The following EXOC4 variants were observed in gnomAD, a reference collection of about 807,000 sequenced individuals.
The protein encoded by EXOC4 is SEC8-like 1.
EXOC4 carries 71 observed loss-of-function variants against 107.2 expected under a neutral mutation model. The observed-to-expected ratio is 0.66, with a 90% CI of 0.55 to 0.81. The LOEUF (loss-of-function observed/expected upper bound fraction) is 0.81. EXOC4 is among the 30% of genes least tolerant of loss of function. The pLI, the probability that EXOC4 is intolerant of heterozygous loss-of-function variation, is 0.00. For missense variants in EXOC4, 1,108 were observed against 1,189.6 expected (o/e 0.93, Z 1.01); for synonymous variants, 456 against 441.2 (o/e 1.03, Z -0.42).
intron 11 of EXOC4, among the ~76,000 whole-genome samples, chr7:133,825,397 G>C (rs895082220): frequency 1.3e-5 from 2 of 151,990 alleles, no homozygotes; most frequent in African/African-American, 4.8e-5. Context: ...TAGGTATTCT[G>C]TTAAGGCAGT....
intron 11 of EXOC4, among the ~76,000 whole-genome samples, chr7:133,885,236 C>T (rs556794857): frequency 4.8e-4 from 73 of 151,970 alleles, no homozygotes; most frequent in Non-Finnish European, 8.8e-4. Context: ...ATCACTTGAA[C>T]CCGGGAGACG....
intron 9 of EXOC4, among the ~76,000 whole-genome samples, chr7:133,515,354 C>CACAT (rs59205193): frequency 2.0e-5 from 3 of 151,740 alleles, no homozygotes; most frequent in Admixed American, 1.3e-4. Context: ...CACACACACA[C>CACAT]GTATACATAT....
chr7:133,362,833 C>T (rs1257928507), intron 6 of EXOC4, among the ~76,000 whole-genome samples: 1 of 152,136 alleles, frequency 6.6e-6, no homozygotes, highest in Non-Finnish European at 1.5e-5. Context: ...TTTATCTCTT[C>T]TTTCTATATT....
chr7:133,871,956 T>G (rs1798759916), intron 11 of EXOC4, among the ~76,000 whole-genome samples: 3 of 152,214 alleles, frequency 2.0e-5, no homozygotes, highest in Admixed American at 2.0e-4. Flanking sequence ...AACACTTATA[T>G]TTGTCATCCA....
At chr7:134,073,357 C>T in the EXOC4 span, among the ~76,000 whole-genome samples, 2 of 151,482 alleles carry the variant, frequency 1.3e-5, no homozygotes, top group East Asian at 1.9e-4. Flanking sequence ...TGATCTTACA[C>T]GATTGTTTCA....
intron 10 of EXOC4, among the ~76,000 whole-genome samples, chr7:133,729,612 G>A (rs1232162322): frequency 6.6e-6 from 1 of 152,106 alleles, no homozygotes; most frequent in Non-Finnish European, 1.5e-5. Context: ...TGGCATGACT[G>A]GAAGGGAGTG....
intron 9 of EXOC4, among the ~76,000 whole-genome samples, chr7:133,612,109 G>A (rs1343589712): frequency 1.3e-5 from 2 of 152,060 alleles, no homozygotes; most frequent in African/African-American, 2.4e-5. Flanking sequence ...AATGACATGG[G>A]AAAACACTTA....
intron 17 of EXOC4, among the ~76,000 whole-genome samples, chr7:134,050,965 T>C (rs1202300317): frequency 1.3e-5 from 2 of 151,972 alleles, no homozygotes; most frequent in Non-Finnish European, 2.9e-5. Context: ...GGATCTGTGA[T>C]AGTGAGATTG....
chr7:133,376,397 T>G (rs1796491731), intron 7 of EXOC4, among the ~76,000 whole-genome samples: 1 of 152,220 alleles, frequency 6.6e-6, no homozygotes, highest in African/African-American at 2.4e-5. Flanking sequence ...TTCGTATCCA[T>G]GTTTAAGTAT....
At chr7:133,966,826 T>C (rs1801082485) in intron 14 of EXOC4, among the ~76,000 whole-genome samples, 2 of 152,250 alleles carry the variant, frequency 1.3e-5, no homozygotes, top group African/African-American at 4.8e-5. Context: ...TGTATCAGGA[T>C]GATGCTGGCC....
intron 10 of EXOC4, among the ~76,000 whole-genome samples, chr7:133,753,251 C>T (rs763263978): frequency 1.2e-4 from 18 of 152,140 alleles, no homozygotes; most frequent in Non-Finnish European, 2.2e-4. Flanking sequence ...ACTGTTCTTT[C>T]CAAAGACCAA....
At chr7:133,351,211 C>T (rs531133049) in intron 5 of EXOC4, among the ~76,000 whole-genome samples, 1 of 152,008 alleles carries the variant, frequency 6.6e-6, no homozygotes, top group Non-Finnish European at 1.5e-5. Context: ...CAGGGCAATG[C>T]TGGCCTCATA....
intron 9 of EXOC4, among the ~76,000 whole-genome samples, chr7:133,542,872 A>T (rs571969014): frequency 2.0e-5 from 3 of 149,996 alleles, no homozygotes; most frequent in African/African-American, 7.3e-5. Context: ...GAAAAATTTT[A>T]TTTTTTTTTT....
At chr7:133,367,872 T>G (rs1330337552) in intron 6 of EXOC4, among the ~76,000 whole-genome samples, 4 of 152,200 alleles carry the variant, frequency 2.6e-5, no homozygotes, top group Non-Finnish European at 4.4e-5. Flanking sequence ...GTTGCTGTCA[T>G]GATTTCATTG....
At chr7:133,289,448 A>G (rs952614915) in intron 3 of EXOC4, among the ~76,000 whole-genome samples, 1 of 152,258 alleles carries the variant, frequency 6.6e-6, no homozygotes, top group South Asian at 2.1e-4. Context: ...TGAAATCTAC[A>G]TGAGACAGAA....
the EXOC4 span, among the ~76,000 whole-genome samples, chr7:134,093,459 G>A: frequency 6.6e-6 from 1 of 152,240 alleles, no homozygotes; most frequent in East Asian, 1.9e-4. Flanking sequence ...ATTTTAGACT[G>A]CCACACAATA....
chr7:133,493,678 T>G (rs531508182), intron 9 of EXOC4, among the ~76,000 whole-genome samples: 34 of 152,266 alleles, frequency 2.2e-4, no homozygotes, highest in African/African-American at 7.9e-4. Context: ...TCCTGTTTTC[T>G]TCTCTGACAG....
At chr7:133,767,796 A>G (rs1489627099) in intron 10 of EXOC4, among the ~76,000 whole-genome samples, 2 of 152,016 alleles carry the variant, frequency 1.3e-5, no homozygotes, top group Non-Finnish European at 2.9e-5. Context: ...ATTCACTCAC[A>G]TTAATGAGTG....
chr7:133,779,521 C>G (rs745915488), intron 10 of EXOC4, among the ~76,000 whole-genome samples: 13 of 152,158 alleles, frequency 8.5e-5, no homozygotes, highest in African/African-American at 3.1e-4. Context: ...ATATTTAGGT[C>G]AGAGGACTTA....
Sources: gnomAD v4.1 joint callset for allele counts (sites outside exome capture counted in the v4.1 genomes callset) on GRCh38, gnomAD v4.1.1 for gene constraint, MANE v1.5 for transcripts, NCBI Gene and HGNC (gene_info 2026-07-23, HGNC 2026-07-21) for gene names.